The following FLACC1 variants were observed in gnomAD, a reference collection of about 807,000 sequenced individuals.
FLACC1 encodes flagellum-associated coiled-coil domain-containing protein 1.
FLACC1 carries 66 observed loss-of-function variants against 62.8 expected under a neutral mutation model. The observed-to-expected ratio is 1.05, with a 90% CI of 0.86 to 1.29. FLACC1 has a LOEUF of 1.29. FLACC1 is among the 50% of genes most tolerant of loss of function. The pLI is 0.00. For missense variants in FLACC1, 452 were observed against 489.1 expected (o/e 0.92, Z 0.71); for synonymous variants, 156 against 161.0 (o/e 0.97, Z 0.24).
At chr2:201,351,473 A>C in intron 1 of FLACC1, 22 bp from the exon 2 acceptor site, 1 of 1,196,924 alleles carries the variant, frequency 8.4e-7, no homozygotes, top group Non-Finnish European at 1.2e-6. Flanking sequence ...AAACAACAGC[A>C]GAAGGTTAAA....
In FLACC1 at chr2:201,330,489, T is replaced by G. The variant is rs1201502465; in HGVS notation, c.656A>C (p.Asn219Thr). 6.2e-7 allele frequency: 1 copy of G among 1,613,794 alleles called. No individual in the cohort carries two copies. Among genetic ancestry groups the G allele is most frequent in the Non-Finnish European group, 8.5e-7 (1 of 1,179,930 alleles). Residue 219 changes from asparagine (N) to threonine (T), a missense_variant, in exon 9 of 15, where the codon AAT becomes ACT. Asn to Thr is a moderately conservative substitution (Grantham distance 65). Coordinates refer to ENST00000392257, the MANE Select transcript of FLACC1 (RefSeq NM_001127391.3). The part of the protein sequence containing the change: ...EMGKEYKYLK[N>T]MFRTYQDSIY... ...TCTCACCTGATACGTACGAAACATA[T>G]TCTTCAAATACTTGTATTCTTTTCC...
At chr2:201,293,617 G>C (rs1010621531) in intron 12 of FLACC1, among the ~76,000 whole-genome samples, 19 of 152,038 alleles carry the variant, frequency 1.2e-4, no homozygotes, top group African/African-American at 3.9e-4. Flanking sequence ...AAGAACTAGA[G>C]AAGCAAGAGC....
At chr2:201,311,684 G>T in intron 9 of FLACC1, among the ~76,000 whole-genome samples, 1 of 124,862 alleles carries the variant, frequency 8.0e-6, no homozygotes, top group Admixed American at 8.9e-5. Flanking sequence ...CCAGGTGACA[G>T]AATGAGACAC....
In FLACC1 at chr2:201,324,288, C is replaced by A. The variant is rs190399361; in HGVS notation, c.675+6182G>T. Among the ~76,000 whole-genome samples, 50 of 152,244 alleles carry A rather than the reference C, an allele frequency of 3.3e-4. No homozygotes were observed. The East Asian group carries it at 6.4e-3, about 19-fold the overall frequency. On this transcript the variant is annotated intron_variant, in intron 9 of 14. Transcript: ENST00000392257. ...ATGGTCAATATAATGATAAAAGGATCAATCCAACAAGAAGATATTACAATC... is the reference window on the plus strand; with the variant it reads ...ATGGTCAATATAATGATAAAAGGATAAATCCAACAAGAAGATATTACAATC...
At chr2:201,349,674 A>G (rs1033208303) in intron 3 of FLACC1, among the ~76,000 whole-genome samples, 1 of 152,260 alleles carries the variant, frequency 6.6e-6, no homozygotes, top group African/African-American at 2.4e-5. Context: ...AGCTTGTAAA[A>G]TGCGAGTAAA....
chr2:201,364,130 C>T, the FLACC1 span, among the ~76,000 whole-genome samples: 1 of 152,248 alleles, frequency 6.6e-6, no homozygotes, highest in South Asian at 2.1e-4. Context: ...CTATTAGCAC[C>T]ATCTACTGGT....
At chr2:201,312,399 G>A (rs538185233) in intron 9 of FLACC1, among the ~76,000 whole-genome samples, 1 of 152,040 alleles carries the variant, frequency 6.6e-6, no homozygotes, top group Non-Finnish European at 1.5e-5. Context: ...ACTATAAATT[G>A]CTGCTGAAAG....
intron 12 of FLACC1, among the ~76,000 whole-genome samples, chr2:201,295,950 AACCACAATGAGAT>A (rs1949851381): frequency 6.6e-6 from 1 of 152,216 alleles, no homozygotes; most frequent in Non-Finnish European, 1.5e-5. Context: ...ATGCAAATCA[AACCACAATGAGAT>A]ACCATCTCAC....
intron 7 of FLACC1, among the ~76,000 whole-genome samples, chr2:201,339,459 G>T (rs756030836): frequency 6.6e-6 from 1 of 151,532 alleles, no homozygotes; most frequent in African/African-American, 2.4e-5. Context: ...CTAATTTTGG[G>T]CTTGGTTTTC....
Position 201,288,639 on chromosome 2 carries a change from C to T in FLACC1, c.*16G>A. On this transcript the variant is annotated 3_prime_UTR_variant, in exon 15 of 15. Transcript: ENST00000392257. ...GGTGTGCCAACCATCTTCAACAATG[C>T]AGAGCAACTTTTTGTTTATGATTCT... 1.9e-6 allele frequency: 3 copies of T among 1,612,676 alleles called. No homozygotes were observed. The highest frequency in any genetic ancestry group is 2.5e-6 in the Non-Finnish European group (3 of 1,179,222).
rs1161519203 is a variant in FLACC1, at chr2:201,325,476, T to A, written c.675+4994A>T. On this transcript the variant is annotated intron_variant, in intron 9 of 14. Coordinates refer to ENST00000392257, the MANE Select transcript of FLACC1 (RefSeq NM_001127391.3). ...TAAATAAGCTCAATTAGAAATGAAA[T>A]TGGAGACATTACAACCCACAGAACC... Among the ~76,000 whole-genome samples the A allele has an allele frequency of 5.9e-5, 9 of 151,530 alleles. No homozygotes were observed. In the South Asian group the frequency reaches 1.7e-3, roughly 28 times the overall value.
chr2:201,321,580 G>A lies in FLACC1; in HGVS notation c.675+8890C>T, dbSNP rs1048724388. ...GCAACTATAGACAGTCTTTCTGGAA[G>A]ACATCAGGGTGACTGCATCCCCATA... On this transcript the variant is annotated intron_variant, in intron 9 of 14. Coordinates refer to ENST00000392257, the MANE Select transcript of FLACC1 (RefSeq NM_001127391.3). Among the ~76,000 whole-genome samples, 20 of 152,286 alleles carry A rather than the reference G, an allele frequency of 1.3e-4. No homozygotes were observed. The East Asian group carries it at 3.1e-3, about 24-fold the overall frequency.
Position 201,342,451 on chromosome 2 carries a change from C to T in FLACC1, c.463-20G>A. On this transcript the variant is annotated intron_variant, in intron 6 of 14. Coordinates refer to ENST00000392257, the MANE Select transcript of FLACC1 (RefSeq NM_001127391.3). ...GGAGAGCTGGAAACAAAATCAGCATCTACAACACAGGACTGAGGACCCTGT... is the reference window on the plus strand; with the variant it reads ...GGAGAGCTGGAAACAAAATCAGCATTTACAACACAGGACTGAGGACCCTGT... The T allele has an allele frequency of 6.2e-7, 1 of 1,613,770 alleles. No homozygotes were observed. Among genetic ancestry groups the T allele is most frequent in the Non-Finnish European group, 8.5e-7 (1 of 1,179,686 alleles).
In FLACC1 at chr2:201,309,284, G is replaced by A. The variant is rs1273090551; in HGVS notation, c.676-34C>T. ...GTACAAAGGCACCATGAAGAAAAGA[G>A]TCCTAAAATGAAGGTGACCTGGAGA... On this transcript the variant is annotated intron_variant, in intron 9 of 14. Coordinates refer to ENST00000392257, the MANE Select transcript of FLACC1 (RefSeq NM_001127391.3). 2.0e-6 allele frequency: 3 copies of A among 1,529,668 alleles called. No homozygotes were observed. The South Asian group carries it at 3.4e-5, about 17-fold the overall frequency. The allele number at this position is 1,529,668 out of a possible 1,614,324, so 94.8% of individuals were successfully genotyped here. A position where few individuals can be genotyped will look rare whatever the true frequency, so the allele number is the denominator to read the frequency against.
At chr2:201,320,616 G>C (rs1950385750) in intron 9 of FLACC1, among the ~76,000 whole-genome samples, 1 of 152,148 alleles carries the variant, frequency 6.6e-6, no homozygotes, top group African/African-American at 2.4e-5. Flanking sequence ...ACTGCCTTTT[G>C]GAACATCAAC....
At chr2:201,290,574 C>G (rs1346107927) in intron 12 of FLACC1, among the ~76,000 whole-genome samples, 1 of 152,182 alleles carries the variant, frequency 6.6e-6, no homozygotes, top group Non-Finnish European at 1.5e-5. Flanking sequence ...CGAATAGGAA[C>G]AGCTCCAGTC....
chr2:201,324,900 G>A (rs1173673206), intron 9 of FLACC1, among the ~76,000 whole-genome samples: 1 of 152,160 alleles, frequency 6.6e-6, no homozygotes, highest in Admixed American at 6.5e-5. Context: ...AGGCCAAACA[G>A]GTGGATCACT....
intron 5 of FLACC1, among the ~76,000 whole-genome samples, chr2:201,345,794 G>T (rs1191959475): frequency 6.6e-6 from 1 of 152,162 alleles, no homozygotes; most frequent in Non-Finnish European, 1.5e-5. Context: ...GGACAGCTGT[G>T]CTAATGGGTT....
At chr2:201,323,337 A>C (rs918713528) in intron 9 of FLACC1, among the ~76,000 whole-genome samples, 2 of 152,222 alleles carry the variant, frequency 1.3e-5, no homozygotes, top group African/African-American at 4.8e-5. Flanking sequence ...TAAGAGCAGT[A>C]AGACAAAAGC....
Sources: gnomAD v4.1 joint callset for allele counts (sites outside exome capture counted in the v4.1 genomes callset) on GRCh38, gnomAD v4.1.1 for gene constraint, MANE v1.5 for transcripts, NCBI Gene and HGNC (gene_info 2026-07-23, HGNC 2026-07-21) for gene names.